The following EPHX4 variants were observed in gnomAD, a reference collection of about 807,000 sequenced individuals.
The protein encoded by EPHX4 is epoxide hydrolase 4, also known as abhydrolase domain containing 7.
In EPHX4, 31 loss-of-function variants were observed where a neutral mutation model predicts 44.9. That is an observed-to-expected ratio of 0.69 (90% CI 0.52 to 0.93). EPHX4 has a LOEUF of 0.93. Ranked by LOEUF, EPHX4 falls within the 40% of genes least tolerant of loss-of-function variation. EPHX4 has a pLI of 0.00. For missense variants in EPHX4, 373 were observed against 438.1 expected, an observed-to-expected ratio of 0.85 and a Z score of 1.33; for synonymous variants, 151 against 159.7, an observed-to-expected ratio of 0.95 and a Z score of 0.41.
chr1:92,030,877 T>A (rs1279068805), intron 1 of EPHX4, among the ~76,000 whole-genome samples: 11 of 152,174 alleles, frequency 7.2e-5, no homozygotes, highest in Admixed American at 2.0e-4. Flanking sequence ...GAATGCATAC[T>A]TATGAAGTCA....
At chr1:92,054,240 T>C (rs935563644) in intron 6 of EPHX4, among the ~76,000 whole-genome samples, 4 of 152,100 alleles carry the variant, frequency 2.6e-5, no homozygotes, top group Admixed American at 2.6e-4. Flanking sequence ...AGGATACATC[T>C]CAATTCAGGC....
intron 4 of EPHX4, among the ~76,000 whole-genome samples, chr1:92,046,566 C>T (rs898631401): frequency 7.2e-5 from 11 of 152,038 alleles, no homozygotes; most frequent in Admixed American, 1.3e-4. Context: ...TGGGTTCAAG[C>T]GATTCTCCTG....
chr1:92,050,792 C>T (rs1647236314), intron 5 of EPHX4, among the ~76,000 whole-genome samples: 1 of 151,708 alleles, frequency 6.6e-6, no homozygotes, highest in Admixed American at 6.6e-5. Flanking sequence ...TACACTGACA[C>T]CAGTAGTCAT....
intron 2 of EPHX4, among the ~76,000 whole-genome samples, chr1:92,033,997 CTTTTT>C (rs36075635): frequency 2.7e-5 from 3 of 109,156 alleles, no homozygotes; most frequent in Non-Finnish European, 5.3e-5. Flanking sequence ...CATGTTTAAA[CTTTTT>C]TTTTTTTTTT....
intron 6 of EPHX4, among the ~76,000 whole-genome samples, 178 bp downstream of exon 6, chr1:92,052,836 CAG>C (rs1432531044): frequency 6.6e-6 from 1 of 152,110 alleles, no homozygotes; most frequent in Non-Finnish European, 1.5e-5. Context: ...GAAAAGTAGA[CAG>C]AGTAATATAA....
chr1:92,059,930 C>T (rs1647452148), intron 6 of EPHX4, among the ~76,000 whole-genome samples: 2 of 150,818 alleles, frequency 1.3e-5, no homozygotes, highest in Non-Finnish European at 2.9e-5. Flanking sequence ...CATGATCACA[C>T]TTCACTCCAG....
At chr1:92,062,323 C>T (rs1647515731) in intron 6 of EPHX4, among the ~76,000 whole-genome samples, 1 of 150,302 alleles carries the variant, frequency 6.7e-6, no homozygotes, top group East Asian at 2.0e-4. Flanking sequence ...CGGTGGCTCA[C>T]GGCTGTAATC....
At chr1:92,048,744 C>T (rs1227411151) in intron 4 of EPHX4, among the ~76,000 whole-genome samples, 1 of 152,048 alleles carries the variant, frequency 6.6e-6, no homozygotes, top group Non-Finnish European at 1.5e-5. Context: ...CATTTAGGAT[C>T]TCATTTTGTC....
rs1383490491 is a variant in EPHX4, at chr1:92,030,490, G to GTGTGTGTGTGTGT, written c.231+180_231+181insTGTGTGTGTGTGT. Among the ~76,000 whole-genome samples, 185 of 127,750 alleles carry GTGTGTGTGTGTGT rather than the reference G, an allele frequency of 1.4e-3. 4 individuals carry two copies. The highest frequency in any genetic ancestry group is 5.0e-3 in the African/African-American group (164 of 32,832). 83.8% of individuals were successfully genotyped at this position (127,750 alleles called of 152,430 possible). ...TGTGTGTGTGTGTGTGTGTGTGAGA[G>GTGTGTGTGTGTGT]AGAGAGAGAGAGAGAGAGATACAGA... On this transcript the variant is annotated intron_variant, in intron 1 of 6. Coordinates refer to ENST00000370383, the MANE Select transcript of EPHX4 (RefSeq NM_173567.5).
At chr1:92,054,125 A>T (rs1188325005) in intron 6 of EPHX4, among the ~76,000 whole-genome samples, 1 of 152,096 alleles carries the variant, frequency 6.6e-6, no homozygotes. Context: ...AATTTGTGCT[A>T]CCTCCATGAT....
intron 5 of EPHX4, among the ~76,000 whole-genome samples, chr1:92,051,697 T>G (rs1377371107): frequency 6.6e-6 from 1 of 152,200 alleles, no homozygotes; most frequent in Non-Finnish European, 1.5e-5. Flanking sequence ...TGATACCTAC[T>G]TGGTCCAGTT....
chr1:92,060,484 ATAAT>A (rs922056026), intron 6 of EPHX4, among the ~76,000 whole-genome samples: 19 of 151,986 alleles, frequency 1.3e-4, no homozygotes, highest in African/African-American at 4.1e-4. Context: ...TAAAAATAAA[ATAAT>A]TAAGTTATTG....
At chr1:92,053,770 G>A (rs1647304185) in intron 6 of EPHX4, among the ~76,000 whole-genome samples, 1 of 152,144 alleles carries the variant, frequency 6.6e-6, no homozygotes, top group African/African-American at 2.4e-5. Flanking sequence ...ACTGAGAGAG[G>A]AAACGCTAGA....
At chr1:92,050,730 TAA>T (rs879862541) in intron 5 of EPHX4, among the ~76,000 whole-genome samples, 11 of 144,928 alleles carry the variant, frequency 7.6e-5, no homozygotes, top group Admixed American at 2.1e-4. Context: ...ACTTCGGGGT[TAA>T]AAAAAAAAAG....
At chr1:92,056,979 C>T (rs1470136447) in intron 6 of EPHX4, among the ~76,000 whole-genome samples, 2 of 151,806 alleles carry the variant, frequency 1.3e-5, no homozygotes, top group Non-Finnish European at 2.9e-5. Flanking sequence ...GGTAAAAAAT[C>T]TATGGAAATT....
At chr1:92,047,519 C>T (rs1023509943) in intron 4 of EPHX4, among the ~76,000 whole-genome samples, 4 of 152,048 alleles carry the variant, frequency 2.6e-5, no homozygotes, top group African/African-American at 7.2e-5. Flanking sequence ...TTTATGTGTA[C>T]TTTCTATTTA....
intron 5 of EPHX4, among the ~76,000 whole-genome samples, 198 bp from the exon 6 acceptor site, chr1:92,052,312 G>A (rs1009134757): frequency 3.3e-5 from 5 of 152,018 alleles, no homozygotes; most frequent in African/African-American, 1.2e-4. Flanking sequence ...TAGAAGGGAA[G>A]AATATAGAAA....
In EPHX4 at chr1:92,030,298, C is replaced by T. The variant is rs1688339019; in HGVS notation, c.219C>T (p.Tyr73=). The T allele has an allele frequency of 6.3e-7, 1 of 1,575,790 alleles. No homozygotes were observed. The highest frequency in any genetic ancestry group is 1.2e-5 in the South Asian group (1 of 86,704). ...ACCCCTCCTTGGGCACCCACTGCTA[C>T]GTGCGGATCAAGGTGAAGGGCCGCG... ...LSDPSLGTHC[Y]VRIKDSGLRF... Residue 73 remains tyrosine, a synonymous_variant, in exon 1 of 7, where the codon TAC becomes TAT. Coordinates refer to ENST00000370383, the MANE Select transcript of EPHX4 (RefSeq NM_173567.5).
intron 6 of EPHX4, among the ~76,000 whole-genome samples, chr1:92,059,768 A>G (rs1647448671): frequency 6.6e-6 from 1 of 152,214 alleles, no homozygotes; most frequent in Admixed American, 6.5e-5. Context: ...GACTCTAACA[A>G]AAGATGACCT....
Sources: allele counts gnomAD v4.1 joint callset (sites outside exome capture counted in the v4.1 genomes callset), GRCh38; gene constraint gnomAD v4.1.1; transcripts MANE v1.5; gene names NCBI Gene and HGNC (gene_info 2026-07-23, HGNC 2026-07-21).